FRAS1: variants seen among roughly 807,000 people sequenced by gnomAD.
FRAS1 encodes extracellular matrix organizing protein FRAS1.
In FRAS1, 290 loss-of-function variants were observed where a neutral mutation model predicts 435.2. The observed-to-expected ratio is 0.67, with a 90% CI of 0.61 to 0.73. The LOEUF is 0.73. Among genes scored for constraint, FRAS1 ranks in the 30% least tolerant of loss-of-function variants. The pLI is 0.00. For missense variants in FRAS1, 4,860 were observed against 5,001.5 expected, an observed-to-expected ratio of 0.97 and a Z score of 0.85; for synonymous variants, 1,800 against 1,851.0, an observed-to-expected ratio of 0.97 and a Z score of 0.71.
chr4:78,482,879 C>T (rs1720055061), intron 58 of FRAS1, among the ~76,000 whole-genome samples: 1 of 152,070 alleles, frequency 6.6e-6, no homozygotes, highest in Non-Finnish European at 1.5e-5. Flanking sequence ...ACTATGGGAG[C>T]AGAGGGAACT....
chr4:78,103,044 G>A (rs1022263982), intron 2 of FRAS1, among the ~76,000 whole-genome samples: 8 of 152,248 alleles, frequency 5.3e-5, no homozygotes, highest in African/African-American at 1.9e-4. Context: ...TGCTTTCTCT[G>A]CCTTTCCCAC....
chr4:78,376,380 C>T (rs981557088), intron 26 of FRAS1, among the ~76,000 whole-genome samples: 2 of 152,144 alleles, frequency 1.3e-5, no homozygotes, highest in East Asian at 1.9e-4. Context: ...TGTAGGCAAT[C>T]GTAACACAAT....
At chr4:78,420,918 A>ATATATATATT (rs1167974462) in intron 33 of FRAS1, among the ~76,000 whole-genome samples, 11 of 118,920 alleles carry the variant, frequency 9.2e-5, no homozygotes, top group African/African-American at 3.3e-4. Flanking sequence ...ATATATATAT[A>ATATATATATT]TATTTATATA....
At chr4:78,065,305 G>A (rs1046905795) in intron 1 of FRAS1, among the ~76,000 whole-genome samples, 1 of 150,222 alleles carries the variant, frequency 6.7e-6, no homozygotes. Context: ...TATATATAGT[G>A]TATATATTCT....
At position 78,058,034 on chromosome 4, in the gene FRAS1, G is replaced by T. The variant is rs772512930; in HGVS notation, c.25G>T (p.Gly9Trp). 1 of 1,613,880 alleles carries T rather than the reference G, an allele frequency of 6.2e-7. No individual in the cohort carries two copies. Among genetic ancestry groups the T allele is most frequent in the African/African-American group, 1.3e-5 (1 of 75,034 alleles). ...GATGGGTGTCCTCAAAGTGTGGCTCGGGCTGGCCCTAGCGTTGGCGGAATT... is the reference window on the plus strand; with the variant it reads ...GATGGGTGTCCTCAAAGTGTGGCTCTGGCTGGCCCTAGCGTTGGCGGAATT... Reference protein sequence around the residue: MGVLKVWLGLALALAEFAV... With the variant: MGVLKVWLWLALALAEFAV... The change falls in exon 1 of 74, where the codon GGG (glycine) becomes TGG (tryptophan). Residue 9 changes from glycine to tryptophan, a missense_variant. By Grantham distance (184) the Gly-to-Trp change is radical. Coordinates refer to ENST00000512123, the MANE Select transcript of FRAS1 (RefSeq NM_025074.7).
intron 2 of FRAS1, among the ~76,000 whole-genome samples, chr4:78,172,235 G>C (rs1721590019): frequency 6.6e-6 from 1 of 152,066 alleles, no homozygotes; most frequent in South Asian, 2.1e-4. Flanking sequence ...TCCTGGCTTA[G>C]TGCACCAACG....
At chr4:78,111,935 T>C (rs11731290) in intron 2 of FRAS1, among the ~76,000 whole-genome samples, 138,581 of 152,098 alleles carry the variant, frequency 0.91, 63,302 homozygotes, top group Admixed American at 0.95. Flanking sequence ...GATGACATTG[T>C]TTTCAAGAGG....
In FRAS1 at chr4:78,509,019, G is replaced by T; in HGVS notation, c.9780+13G>T. 1 of 1,613,678 alleles carries T rather than the reference G, an allele frequency of 6.2e-7. No individual in the cohort carries two copies. Among genetic ancestry groups the T allele is most frequent in the Non-Finnish European group, 8.5e-7 (1 of 1,179,784 alleles). On this transcript the variant is annotated intron_variant, in intron 63 of 73. Coordinates refer to ENST00000512123, the MANE Select transcript of FRAS1 (RefSeq NM_025074.7). ...TGTCAACCACATGGTAGGTCTGGGG[G>T]TCTGGGCCTGGTTCTCCCTCCCTGG...
intron 29 of FRAS1, among the ~76,000 whole-genome samples, chr4:78,395,134 T>C (rs773848080): frequency 6.6e-6 from 1 of 151,990 alleles, no homozygotes; most frequent in Admixed American, 6.6e-5. Context: ...TGTCTGTAAA[T>C]ACAGACAATT....
intron 3 of FRAS1, 37 bp downstream of exon 3, chr4:78,237,654 A>AAGTC (rs781577632): frequency 8.3e-7 from 1 of 1,198,292 alleles, no homozygotes; most frequent in Non-Finnish European, 1.2e-6. Context: ...TGTATTGGTA[A>AAGTC]AGTCAGTGAA....
At chr4:78,443,051 T>G (rs919430299) in intron 41 of FRAS1, among the ~76,000 whole-genome samples, 6 of 152,188 alleles carry the variant, frequency 3.9e-5, no homozygotes, top group African/African-American at 1.4e-4. Flanking sequence ...GTGTGACTTA[T>G]GTATAAGAAA....
At chr4:78,497,671 C>T (rs946630211) in intron 60 of FRAS1, among the ~76,000 whole-genome samples, 1 of 152,108 alleles carries the variant, frequency 6.6e-6, no homozygotes, top group African/African-American at 2.4e-5. Flanking sequence ...AGAAACTGAA[C>T]CTCAGCAAAG....
intron 14 of FRAS1, among the ~76,000 whole-genome samples, chr4:78,306,150 G>A (rs866898123): frequency 1.3e-5 from 2 of 151,972 alleles, no homozygotes; most frequent in Non-Finnish European, 2.9e-5. Flanking sequence ...ATGAAATTCT[G>A]GGTTGAAAAT....
At chr4:78,382,048 C>A (rs762401338) in intron 27 of FRAS1, among the ~76,000 whole-genome samples, 20 of 152,194 alleles carry the variant, frequency 1.3e-4, no homozygotes, top group Non-Finnish European at 2.2e-4. Context: ...CATGAAGACA[C>A]TGACCGTGAT....
In FRAS1 at chr4:78,312,414, A is replaced by G. The variant is rs547551535; in HGVS notation, c.1679-3180A>G. 5.3e-5 allele frequency among the ~76,000 whole-genome samples: 8 copies of G among 151,768 alleles called. No homozygotes were observed. In the East Asian group the frequency reaches 1.2e-3, roughly 22 times the overall value. ...TACCACTATCAAACTTTTTTTCATTAATTTCTATGGCTTTGTAGTATGTCT... is the reference window on the plus strand; with the variant it reads ...TACCACTATCAAACTTTTTTTCATTGATTTCTATGGCTTTGTAGTATGTCT... On this transcript the variant is annotated intron_variant, in intron 15 of 73. Transcript: ENST00000512123.
chr4:78,123,120 T>G (rs1051046962), intron 2 of FRAS1, among the ~76,000 whole-genome samples: 1 of 152,246 alleles, frequency 6.6e-6, no homozygotes, highest in African/African-American at 2.4e-5. Context: ...GTCTTACGTT[T>G]AAGTCTTTGA....
At chr4:78,256,175 T>G (rs1323186683) in intron 6 of FRAS1, among the ~76,000 whole-genome samples, 1 of 152,192 alleles carries the variant, frequency 6.6e-6, no homozygotes, top group Non-Finnish European at 1.5e-5. Flanking sequence ...TTGGGCAATA[T>G]TTTTAAAGGT....
At chr4:78,491,457 G>A (rs780146742) in intron 59 of FRAS1, among the ~76,000 whole-genome samples, 2 of 152,090 alleles carry the variant, frequency 1.3e-5, no homozygotes, top group Non-Finnish European at 2.9e-5. Context: ...TATCCACCAC[G>A]ATCAAGTTGG....
intron 60 of FRAS1, among the ~76,000 whole-genome samples, chr4:78,498,535 T>C (rs1039960787): frequency 7.3e-5 from 11 of 150,980 alleles, no homozygotes; most frequent in African/African-American, 2.7e-4. Flanking sequence ...AGATTTATGC[T>C]GTGCTGCAGT....
Sources: allele counts gnomAD v4.1 joint callset (sites outside exome capture counted in the v4.1 genomes callset), GRCh38; gene constraint gnomAD v4.1.1; transcripts MANE v1.5; gene names NCBI Gene and HGNC (gene_info 2026-07-23, HGNC 2026-07-21).